Variants in CRACR2A observed in about 807,000 individuals in gnomAD.
CRACR2A encodes the protein calcium release activated channel regulator 2A.
In CRACR2A, 79 loss-of-function variants were observed where a neutral mutation model predicts 90.5. That is an observed-to-expected ratio of 0.87 (90% CI 0.73 to 1.05). The LOEUF (loss-of-function observed/expected upper bound fraction) is 1.05, where lower values mean the gene tolerates loss of function less well. CRACR2A is among the 50% of genes least tolerant of loss of function. The pLI is 0.00. For missense variants in CRACR2A, 823 were observed against 897.2 expected (o/e 0.92, Z 1.06); for synonymous variants, 338 against 356.7 (o/e 0.95, Z 0.59).
chr12:3,719,201 T>C (rs1430816816), intron 2 of CRACR2A, among the ~76,000 whole-genome samples: 1 of 152,194 alleles, frequency 6.6e-6, no homozygotes, highest in African/African-American at 2.4e-5. Flanking sequence ...CTCTTTCTAC[T>C]GAATCCCTTA....
intron 1 of CRACR2A, among the ~76,000 whole-genome samples, chr12:3,749,680 C>T (rs1266602146): frequency 1.3e-5 from 2 of 152,114 alleles, no homozygotes; most frequent in African/African-American, 2.4e-5. Context: ...TAAACTGTGC[C>T]TTATCAAATT....
intron 7 of CRACR2A, among the ~76,000 whole-genome samples, chr12:3,669,291 G>A (rs1352457030): frequency 6.6e-6 from 1 of 152,222 alleles, no homozygotes; most frequent in African/African-American, 2.4e-5. Context: ...ATGTGCCCTG[G>A]AGAGCTCAAG....
intron 4 of CRACR2A, among the ~76,000 whole-genome samples, chr12:3,696,390 G>T (rs993324459): frequency 1.3e-5 from 2 of 152,194 alleles, no homozygotes; most frequent in East Asian, 3.9e-4. Context: ...TTGTGGGAGA[G>T]GCTGTACCTA....
intron 18 of CRACR2A, 52 bp from the exon 19 acceptor site, chr12:3,617,082 G>C (rs1047192917): frequency 2.9e-6 from 4 of 1,372,692 alleles, no homozygotes; most frequent in Non-Finnish European, 4.1e-6. Context: ...AGAGGGGATT[G>C]TGGGGGGTGG....
At chr12:3,736,889 T>C (rs1946457787) in intron 1 of CRACR2A, among the ~76,000 whole-genome samples, 1 of 152,140 alleles carries the variant, frequency 6.6e-6, no homozygotes, top group Non-Finnish European at 1.5e-5. Flanking sequence ...GTAATAGCAG[T>C]CCCAGTGGAG....
At chr12:3,704,577 T>C (rs540620000) in intron 3 of CRACR2A, among the ~76,000 whole-genome samples, 128 of 152,328 alleles carry the variant, frequency 8.4e-4, no homozygotes, top group African/African-American at 2.9e-3. Context: ...GTCTATTATA[T>C]GTCAATAGCT....
intron 7 of CRACR2A, among the ~76,000 whole-genome samples, chr12:3,668,803 G>A (rs565974893): frequency 7.9e-5 from 12 of 152,304 alleles, no homozygotes; most frequent in Non-Finnish European, 1.6e-4. Flanking sequence ...ACCGGAAGTG[G>A]CTCAATAGCA....
intron 17 of CRACR2A, among the ~76,000 whole-genome samples, chr12:3,619,778 T>A (rs542054991): frequency 6.6e-6 from 1 of 152,222 alleles, no homozygotes; most frequent in Non-Finnish European, 1.5e-5. Flanking sequence ...CTTAGTCCGA[T>A]GGACCAAGGC....
rs1867757102 is a variant in CRACR2A at position 3,619,199 on chromosome 12, G to C, written c.2034+72C>G. 2.4e-6 allele frequency: 3 copies of C among 1,252,968 alleles called. No homozygotes were observed. The South Asian group carries it at 4.0e-5, about 17-fold the overall frequency. The allele number at this position is 1,252,968 out of a possible 1,614,324, so 77.6% of individuals were successfully genotyped here. Reference sequence around the variant, plus strand: ...ACTTCCAGAGAAAGTCCCCACCAAGGCTCTTGGGCACTTGCCCAACTTCCC... The same window carrying C: ...ACTTCCAGAGAAAGTCCCCACCAAGCCTCTTGGGCACTTGCCCAACTTCCC... On this transcript the variant is annotated intron_variant, in intron 18 of 19. Coordinates refer to ENST00000440314, the MANE Select transcript of CRACR2A (RefSeq NM_001144958.2).
intron 17 of CRACR2A, among the ~76,000 whole-genome samples, chr12:3,620,606 A>C (rs558038195): frequency 6.6e-6 from 1 of 152,364 alleles, no homozygotes; most frequent in South Asian, 2.1e-4. Context: ...ATCAAAAAGA[A>C]CATTCAACAC....
intron 3 of CRACR2A, among the ~76,000 whole-genome samples, chr12:3,699,201 G>A (rs1945792904): frequency 6.6e-6 from 1 of 152,044 alleles, no homozygotes; most frequent in South Asian, 2.1e-4. Context: ...CCCAGTTGTG[G>A]GCTTGCTCTT....
In CRACR2A at chr12:3,680,297, T is replaced by G; in HGVS notation, c.281A>C (p.Asp94Ala). ...LSLEELEDVF[D>A]ALDADGNGYL... is the part of the protein sequence containing the mutation. ...GCCATTGCCATCAGCATCCAGGGCA[T>G]CAAACACATCCTCCAGTTCCTCCAG... The change falls in exon 5 of 20, where the codon GAT becomes GCT. Residue 94 changes from aspartate to alanine, a missense_variant. By Grantham distance (126) the Asp-to-Ala change is moderately radical. Coordinates refer to ENST00000440314, the MANE Select transcript of CRACR2A (RefSeq NM_001144958.2). 6.2e-7 allele frequency: 1 copy of G among 1,614,214 alleles called. No individual in the cohort carries two copies. Among genetic ancestry groups the G allele is most frequent in the Non-Finnish European group, 8.5e-7 (1 of 1,180,014 alleles).
intron 1 of CRACR2A, among the ~76,000 whole-genome samples, chr12:3,745,333 T>C (rs918180738): frequency 3.3e-5 from 5 of 151,926 alleles, no homozygotes; most frequent in Non-Finnish European, 5.9e-5. Context: ...CAGATGACAC[T>C]ACCCACAGAA....
intron 11 of CRACR2A, among the ~76,000 whole-genome samples, chr12:3,646,247 C>G (rs544352160): frequency 6.6e-6 from 1 of 152,318 alleles, no homozygotes; most frequent in South Asian, 2.1e-4. Context: ...TCCGTTAACA[C>G]AAGAGGTGGA....
intron 10 of CRACR2A, among the ~76,000 whole-genome samples, chr12:3,649,115 G>A (rs1156754251): frequency 6.6e-6 from 1 of 152,032 alleles, no homozygotes; most frequent in Non-Finnish European, 1.5e-5. Context: ...AGCATTAGGA[G>A]ATATACCTAA....
At chr12:3,695,697 T>C (rs750098607) in intron 4 of CRACR2A, among the ~76,000 whole-genome samples, 1 of 152,230 alleles carries the variant, frequency 6.6e-6, no homozygotes, top group Non-Finnish European at 1.5e-5. Context: ...AGCCTAGCCA[T>C]TGTGCTTCCT....
chr12:3,682,016 A>G (rs1464300038), intron 4 of CRACR2A, among the ~76,000 whole-genome samples: 3 of 152,218 alleles, frequency 2.0e-5, no homozygotes, highest in Non-Finnish European at 4.4e-5. Flanking sequence ...ACTTATCAAC[A>G]ATCCATAAAC....
At chr12:3,694,322 C>A (rs1945701616) in intron 4 of CRACR2A, among the ~76,000 whole-genome samples, 1 of 152,220 alleles carries the variant, frequency 6.6e-6, no homozygotes, top group African/African-American at 2.4e-5. Context: ...TCCTCAGCCT[C>A]CTGTGTTCTC....
intron 1 of CRACR2A, among the ~76,000 whole-genome samples, chr12:3,743,326 C>T (rs879934722): frequency 4.6e-5 from 7 of 152,222 alleles, no homozygotes; most frequent in African/African-American, 9.7e-5. Flanking sequence ...TTCCTTAAAA[C>T]GAAGTACTAT....
Sources: gnomAD v4.1 joint callset for allele counts (sites outside exome capture counted in the v4.1 genomes callset) on GRCh38, gnomAD v4.1.1 for gene constraint, MANE v1.5 for transcripts, NCBI Gene and HGNC (gene_info 2026-07-23, HGNC 2026-07-21) for gene names.